Variants in KLF15 observed in about 807,000 individuals in gnomAD.
KLF15 encodes the protein Krueppel-like factor 15.
In KLF15, 4 loss-of-function variants were observed where a neutral mutation model predicts 24.6. The observed-to-expected ratio is 0.16, with a 90% confidence interval of 0.08 to 0.37. The LOEUF (loss-of-function observed/expected upper bound fraction) is 0.37. Among genes scored for constraint, KLF15 ranks in the 10% least tolerant of loss-of-function variants. The probability of loss-of-function intolerance (pLI) is 1.00; values close to 1 mark genes in which losing one functional copy is unlikely to be tolerated. For missense variants in KLF15, 496 were observed against 560.6 expected, an observed-to-expected ratio of 0.88 and a Z score of 1.16; for synonymous variants, 246 against 236.3, an observed-to-expected ratio of 1.04 and a Z score of -0.37.
the KLF15 span, among the ~76,000 whole-genome samples, chr3:126,301,983 T>C: frequency 2.0e-5 from 3 of 152,166 alleles, no homozygotes; most frequent in South Asian, 6.2e-4. Flanking sequence ...AGGACATTGA[T>C]TTGAGATCAT....
chr3:126,328,077 C>A, the KLF15 span, among the ~76,000 whole-genome samples: 583 of 143,780 alleles, frequency 4.1e-3, 6 homozygotes, highest in African/African-American at 0.014. Context: ...TATACCTTGC[C>A]CCCCTCTTAC....
At chr3:126,307,273 A>G in the KLF15 span, among the ~76,000 whole-genome samples, 1 of 152,100 alleles carries the variant, frequency 6.6e-6, no homozygotes, top group African/African-American at 2.4e-5. Context: ...GGGCTCCTCC[A>G]TGTCCAGTGT....
chr3:126,290,466 CT>C, the KLF15 span, among the ~76,000 whole-genome samples: 1 of 151,984 alleles, frequency 6.6e-6, no homozygotes, highest in Admixed American at 6.6e-5. Flanking sequence ...ACTGTTTGCC[CT>C]ATTAGGGTGC....
At chr3:126,298,326 T>C in the KLF15 span, among the ~76,000 whole-genome samples, 723 of 151,704 alleles carry the variant, frequency 4.8e-3, 6 homozygotes, top group African/African-American at 0.017. Flanking sequence ...CTGATTTGTT[T>C]GATTTCCTTG....
chr3:126,302,275 T>C, the KLF15 span, among the ~76,000 whole-genome samples: 2 of 152,214 alleles, frequency 1.3e-5, no homozygotes, highest in African/African-American at 4.8e-5. Flanking sequence ...TTAATATTTA[T>C]TGGGACTGTT....
At chr3:126,303,156 C>T in the KLF15 span, among the ~76,000 whole-genome samples, 1 of 152,010 alleles carries the variant, frequency 6.6e-6, no homozygotes, top group African/African-American at 2.4e-5. Context: ...CTTGTTATTA[C>T]TTTTGGTCCA....
intron 2 of KLF15, among the ~76,000 whole-genome samples, chr3:126,350,345 G>A (rs942402915): frequency 6.6e-6 from 1 of 152,232 alleles, no homozygotes; most frequent in Non-Finnish European, 1.5e-5. Context: ...AGGCCCCAGG[G>A]TGGGCTCTCA....
chr3:126,338,837 C>G (rs958554625), downstream of KLF15, among the ~76,000 whole-genome samples: 1 of 152,252 alleles, frequency 6.6e-6, no homozygotes, highest in Admixed American at 6.5e-5. Context: ...GCGCCTCACT[C>G]TCGTGATGGA....
the KLF15 span, among the ~76,000 whole-genome samples, chr3:126,305,623 ACACT>A: frequency 1.9e-5 from 1 of 51,340 alleles, no homozygotes; most frequent in African/African-American, 8.4e-5. Flanking sequence ...CTATCTGGTC[ACACT>A]TACTGCAAGG....
At chr3:126,305,188 C>G in the KLF15 span, among the ~76,000 whole-genome samples, 12 of 152,236 alleles carry the variant, frequency 7.9e-5, 1 homozygote, top group South Asian at 2.5e-3. Flanking sequence ...TTTGTGGAGC[C>G]ATGTTTTCAT....
intron 2 of KLF15, among the ~76,000 whole-genome samples, chr3:126,348,687 G>A (rs1435956257): frequency 6.6e-6 from 1 of 152,240 alleles, no homozygotes; most frequent in Non-Finnish European, 1.5e-5. Flanking sequence ...GGTCATTTGA[G>A]ACAGAGGGCA....
At chr3:126,329,408 C>T in the KLF15 span, among the ~76,000 whole-genome samples, 225 of 152,228 alleles carry the variant, frequency 1.5e-3, no homozygotes, top group African/African-American at 5.1e-3. Context: ...TCGCTTGAGC[C>T]TGGGAGTTTG....
chr3:126,323,437 C>T, the KLF15 span, among the ~76,000 whole-genome samples: 875 of 47,288 alleles, frequency 0.019, 30 homozygotes, highest in African/African-American at 0.07. Flanking sequence ...ATATATATAA[C>T]ATATATATGT....
chr3:126,339,003 C>T (rs556140839), downstream of KLF15, among the ~76,000 whole-genome samples: 1 of 152,300 alleles, frequency 6.6e-6, no homozygotes, highest in East Asian at 1.9e-4. Flanking sequence ...TCTATCAGTG[C>T]TGGGTGTGGA....
chr3:126,323,885 C>G, the KLF15 span, among the ~76,000 whole-genome samples: 747 of 131,466 alleles, frequency 5.7e-3, no homozygotes, highest in South Asian at 0.011. Flanking sequence ...CATGTTCCTG[C>G]AAAGGACATG....
At position 126,352,689 on chromosome 3, in the gene KLF15, G is replaced by A. The variant is rs772641392; in HGVS notation, c.234C>T (p.Asp78=). 2.5e-6 allele frequency: 4 copies of A among 1,594,230 alleles called. No homozygotes were observed. Among genetic ancestry groups the A allele is most frequent in the Non-Finnish European group, 3.4e-6 (4 of 1,170,824 alleles). The change falls in exon 2 of 3, where the codon GAC becomes GAT. Residue 78 remains aspartate, a synonymous_variant. Coordinates refer to ENST00000296233, the MANE Select transcript of KLF15 (RefSeq NM_014079.4). The part of the protein sequence containing the change: ...LGTESQDSIL[D]FLLSQATLGS... ...CCAGCGTGGCCTGGGACAATAGGAAGTCCAAGATGCTGTCCTGGCTCTCGG... is the reference window on the plus strand; with the variant it reads ...CCAGCGTGGCCTGGGACAATAGGAAATCCAAGATGCTGTCCTGGCTCTCGG...
chr3:126,305,295 T>A, the KLF15 span, among the ~76,000 whole-genome samples: 1 of 152,316 alleles, frequency 6.6e-6, no homozygotes. Context: ...TTCTAACAAA[T>A]AAACAAGAAT....
the KLF15 span, among the ~76,000 whole-genome samples, chr3:126,303,873 C>A: frequency 5.3e-5 from 8 of 151,940 alleles, no homozygotes; most frequent in Admixed American, 2.0e-4. Context: ...TCTTCAATTT[C>A]ATTCATCTCT....
chr3:126,308,452 C>G, the KLF15 span, among the ~76,000 whole-genome samples: 1 of 150,930 alleles, frequency 6.6e-6, no homozygotes, highest in Admixed American at 6.6e-5. Context: ...CGCCAGGGGA[C>G]GACCACCTCA....
Sources: allele counts gnomAD v4.1 joint callset (sites outside exome capture counted in the v4.1 genomes callset), GRCh38; gene constraint gnomAD v4.1.1; transcripts MANE v1.5; gene names NCBI Gene and HGNC (gene_info 2026-07-23, HGNC 2026-07-21).